The following UBE4A variants were observed in gnomAD, a reference collection of about 807,000 sequenced individuals.
The protein encoded by UBE4A is ubiquitin conjugation factor E4 A.
UBE4A carries 48 observed loss-of-function variants against 117.9 expected under a neutral mutation model. The observed-to-expected ratio is 0.41, with a 90% confidence interval of 0.32 to 0.52. The LOEUF (loss-of-function observed/expected upper bound fraction) is 0.52. UBE4A is among the 20% of genes least tolerant of loss of function. The pLI is 0.33. For synonymous variants in UBE4A, 407 were observed against 450.0 expected (o/e 0.90, Z 1.21); for missense variants, 1,067 against 1,296.3 (o/e 0.82, Z 2.72).
In UBE4A at chr11:118,373,483, T is replaced by C. The variant is rs766174530; in HGVS notation, c.925-11T>C. 3 of 1,606,076 alleles carry C rather than the reference T, an allele frequency of 1.9e-6. No homozygotes were observed. Among genetic ancestry groups the C allele is most frequent in the Non-Finnish European group, 2.6e-6 (3 of 1,175,892 alleles). ...TGAAGATGAATAAGCAGAACTTGTCTTCTCTTACAGGTTTTTGTAGAATAC... is the reference window on the plus strand; with the variant it reads ...TGAAGATGAATAAGCAGAACTTGTCCTCTCTTACAGGTTTTTGTAGAATAC... On this transcript the variant is annotated splice_polypyrimidine_tract_variant and intron_variant, in intron 7 of 19. Transcript: ENST00000252108.
Position 118,375,183 on chromosome 11 carries a change from G to C in UBE4A, c.1404G>C (p.Lys468Asn). ...TTAATCCCACATACTGTGCCCTCAA[G>C]GAGTTGAATGATGAAGAACGAAAAA... is the stretch of plus-strand genomic sequence containing the variant. Reference protein sequence around the residue: ...LTFNPTYCALKELNDEERKIK... With the variant: ...LTFNPTYCALNELNDEERKIK... The change falls in exon 9 of 20, where the codon AAG becomes AAC. Residue 468 changes from lysine to asparagine, a missense_variant. Lys to Asn is a moderately conservative substitution (Grantham distance 94, BLOSUM62 0). Coordinates refer to ENST00000252108, the MANE Select transcript of UBE4A (RefSeq NM_001204077.2). 1 of 1,611,930 alleles carries C rather than the reference G, an allele frequency of 6.2e-7. No individual in the cohort carries two copies. Among genetic ancestry groups the C allele is most frequent in the Non-Finnish European group, 8.5e-7 (1 of 1,178,816 alleles).
rs1555125952 is a variant in UBE4A at position 118,379,618 on chromosome 11, C to G, written c.1744C>G (p.Gln582Glu). ...TGCCATGACAGAGCCACAAATGCTACAAAACTGCCTAAACTTGCAGGTGTC... is the reference window on the plus strand; with the variant it reads ...TGCCATGACAGAGCCACAAATGCTAGAAAACTGCCTAAACTTGCAGGTGTC... ...KTAMTEPQML[Q>E]NCLNLQVSMA... The change falls in exon 11 of 20, where the codon CAA becomes GAA. Residue 582 changes from glutamine to glutamate, a missense_variant. Physicochemically the swap from Gln to Glu is conservative, Grantham distance 29. This residue lies in a region of UBE4A where 1,001 missense variants were observed against 1,184.0 expected (regional missense o/e 0.85). Transcript: ENST00000252108. The G allele has an allele frequency of 2.5e-6, 4 of 1,614,242 alleles. No homozygotes were observed. The Admixed American group carries it at 6.7e-5, about 27-fold the overall frequency.
At chr11:118,377,766 A>C (rs1948666063) in intron 10 of UBE4A, among the ~76,000 whole-genome samples, 1 of 151,136 alleles carries the variant, frequency 6.6e-6, no homozygotes, top group Non-Finnish European at 1.5e-5. Context: ...TACAAAAATT[A>C]GCTGGGCATG....
intron 2 of UBE4A, among the ~76,000 whole-genome samples, chr11:118,366,731 A>G (rs1417779696): frequency 6.6e-6 from 1 of 152,236 alleles, no homozygotes; most frequent in Non-Finnish European, 1.5e-5. Context: ...ATAGACTCAT[A>G]TGTGGCATAT....
At chr11:118,370,006 G>C (rs192715110) in intron 4 of UBE4A, among the ~76,000 whole-genome samples, 8 of 151,886 alleles carry the variant, frequency 5.3e-5, no homozygotes, top group Non-Finnish European at 1.2e-4. Context: ...GCAGGAGAAT[G>C]GTTTAAACCC....
intron 1 of UBE4A, among the ~76,000 whole-genome samples, chr11:118,360,867 C>T (rs1011081525): frequency 6.6e-6 from 1 of 151,904 alleles, no homozygotes; most frequent in African/African-American, 2.4e-5. Flanking sequence ...GAATCAAATC[C>T]AAAAGCTTCT....
chr11:118,374,328 C>T (rs78123235), intron 8 of UBE4A, among the ~76,000 whole-genome samples: 3,569 of 152,216 alleles, frequency 0.023, 121 homozygotes, highest in African/African-American at 0.08. Flanking sequence ...CGTGTCTCCA[C>T]CTATGCCCTC....
At chr11:118,381,679 GA>G (rs1236532514) in intron 12 of UBE4A, among the ~76,000 whole-genome samples, 156 bp downstream of exon 12, 50 of 152,304 alleles carry the variant, frequency 3.3e-4, no homozygotes, top group African/African-American at 1.1e-3. Flanking sequence ...TGGGTAGCCA[GA>G]AATCCCACTG....
rs145949976 is a variant in UBE4A, at chr11:118,371,609, A to C, written c.504A>C (p.Ala168=). ...TAAATCTCTCTGCTGATCGAGATGC[A>C]GGAGAGAGGCACATTTTTTGTTACC... The part of the protein sequence containing the change: ...TTLNLSADRD[A]GERHIFCYLY... Residue 168 remains alanine, a synonymous_variant, in exon 5 of 20, where the codon GCA becomes GCC. Coordinates refer to ENST00000252108, the MANE Select transcript of UBE4A (RefSeq NM_001204077.2). The C allele has an allele frequency of 1.2e-6, 2 of 1,613,942 alleles. No homozygotes were observed. The highest frequency in any genetic ancestry group is 1.7e-6 in the Non-Finnish European group (2 of 1,180,012).
intron 17 of UBE4A, 38 bp from the exon 18 acceptor site, chr11:118,390,619 C>T: frequency 6.8e-7 from 1 of 1,470,612 alleles, no homozygotes; most frequent in Non-Finnish European, 9.0e-7. Context: ...TTGACCAACC[C>T]TCTGGTGATC....
rs1259753018 is a variant in UBE4A at position 118,369,639 on chromosome 11, CCT to C, written c.408+111_408+112del. ...TTATGCTTGTGTCCATATGTCCATC[CCT>C]CTCTCTTTTTTTTTTTTTTTTTTTA... On this transcript the variant is annotated intron_variant, in intron 4 of 19. Coordinates refer to ENST00000252108, the MANE Select transcript of UBE4A (RefSeq NM_001204077.2). 13 of 707,362 alleles carry C rather than the reference CCT, an allele frequency of 1.8e-5. No homozygotes were observed. In the Admixed American group the frequency reaches 3.5e-4, roughly 19 times the overall value. The allele number at this position is 707,362 out of a possible 1,614,324, so 43.8% of individuals were successfully genotyped here. A position where few individuals can be genotyped will look rare whatever the true frequency, so the allele number is the denominator to read the frequency against.
chr11:118,385,001 C>A, intron 15 of UBE4A, 56 bp downstream of exon 15: 1 of 1,431,236 alleles, frequency 7.0e-7, no homozygotes, highest in Non-Finnish European at 9.6e-7. Flanking sequence ...AAATCATCAG[C>A]AGTACATACA....
In UBE4A at chr11:118,382,605, C is replaced by T. The variant is rs782631791; in HGVS notation, c.2026C>T (p.Leu676=). 1 of 1,557,274 alleles carries T rather than the reference C, an allele frequency of 6.4e-7. No individual in the cohort carries two copies. Reference sequence around the variant, plus strand: ...ATTTTGCAGAATGAAGAATCCCCACCTGAGGGCCAAACTAGCAGAGGTGTT... The same window carrying T: ...ATTTTGCAGAATGAAGAATCCCCACTTGAGGGCCAAACTAGCAGAGGTGTT... ...GSIERMKNPH[L]RAKLAEVLEA... Residue 676 remains leucine (L), a synonymous_variant, in exon 13 of 20, where the codon CTG becomes TTG. Coordinates refer to ENST00000252108, the MANE Select transcript of UBE4A (RefSeq NM_001204077.2).
chr11:118,359,956 G>A (rs1948507840), intron 1 of UBE4A, among the ~76,000 whole-genome samples: 1 of 152,044 alleles, frequency 6.6e-6, no homozygotes, highest in South Asian at 2.1e-4. Context: ...ATTATCTTTT[G>A]ACTTAACTTT....
intron 2 of UBE4A, among the ~76,000 whole-genome samples, chr11:118,368,199 T>C (rs1176861662): frequency 6.6e-6 from 1 of 152,188 alleles, no homozygotes; most frequent in Non-Finnish European, 1.5e-5. Flanking sequence ...TTAAGTGTCT[T>C]TAGGGAATTG....
intron 15 of UBE4A, 71 bp from the exon 16 acceptor site, chr11:118,386,367 G>T: frequency 1.3e-6 from 2 of 1,507,858 alleles, no homozygotes; most frequent in South Asian, 1.3e-5. Context: ...TTTTGAATAG[G>T]ACCTCTTAAA....
At chr11:118,371,803 A>C (rs1591297043) in intron 5 of UBE4A, 137 bp downstream of exon 5, 2 of 895,048 alleles carry the variant, frequency 2.2e-6, no homozygotes, top group East Asian at 5.4e-5. Context: ...GGGACACTAA[A>C]GCTTTTATAT....
Position 118,384,626 on chromosome 11 carries a change from T to G in UBE4A, c.2198-9T>G, listed in dbSNP as rs1254595762. The G allele has an allele frequency of 6.2e-7, 1 of 1,613,232 alleles. No homozygotes were observed. The highest frequency in any genetic ancestry group is 2.2e-5 in the East Asian group (1 of 44,888). ...CCTTTGCTGATATTTCGCTCTTGCCTTACTCCAGGAGACCCCCATCAATTT... is the reference window on the plus strand; with the variant it reads ...CCTTTGCTGATATTTCGCTCTTGCCGTACTCCAGGAGACCCCCATCAATTT... On this transcript the variant is annotated splice_polypyrimidine_tract_variant and intron_variant, in intron 13 of 19. Coordinates refer to ENST00000252108, the MANE Select transcript of UBE4A (RefSeq NM_001204077.2).
Position 118,371,551 on chromosome 11 carries a change from A to G in UBE4A, c.446A>G (p.Asn149Ser). 3 of 1,613,896 alleles carry G rather than the reference A, an allele frequency of 1.9e-6. No individual in the cohort carries two copies. Among genetic ancestry groups the G allele is most frequent in the Non-Finnish European group, 2.5e-6 (3 of 1,179,914 alleles). The change falls in exon 5 of 20, where the codon AAC (asparagine) becomes AGC (serine). Residue 149 changes from asparagine to serine, a missense_variant. By Grantham distance (46) the Asn-to-Ser change is conservative. Coordinates refer to ENST00000252108, the MANE Select transcript of UBE4A (RefSeq NM_001204077.2). ...CGCTTATTACTTCAAGATCCAGGCA[A>G]CCACTTAATTAACATGACTTCTTCT... ...FARLLLQDPG[N>S]HLINMTSSTT...
Sources: gnomAD v4.1 joint callset for allele counts (sites outside exome capture counted in the v4.1 genomes callset) on GRCh38, gnomAD v4.1.1 for gene constraint, gnomAD v4.1.1 regional missense constraint, MANE v1.5 for transcripts, NCBI Gene and HGNC (gene_info 2026-07-23, HGNC 2026-07-21) for gene names.